STAU2: variants seen among roughly 807,000 people sequenced by gnomAD.
STAU2 encodes the protein staufen double-stranded RNA binding protein 2.
STAU2 carries 20 observed loss-of-function variants against 65.9 expected under a neutral mutation model. The ratio of observed to expected loss-of-function variants is 0.30; its 90% CI spans 0.21 to 0.44. STAU2 has a LOEUF of 0.44. STAU2 is among the 20% of genes least tolerant of loss of function. The pLI is 1.00. For missense variants in STAU2, 558 were observed against 683.9 expected, an observed-to-expected ratio of 0.82 and a Z score of 2.05; for synonymous variants, 232 against 233.9, an observed-to-expected ratio of 0.99 and a Z score of 0.07.
intron 6 of STAU2, among the ~76,000 whole-genome samples, chr8:73,642,700 G>A (rs546095947): frequency 1.8e-4 from 27 of 152,228 alleles, no homozygotes; most frequent in African/African-American, 6.5e-4. Context: ...AAACTAGACG[G>A]CATAGAGAAA....
chr8:73,477,081 GAAT>G (rs1181643135), intron 13 of STAU2, among the ~76,000 whole-genome samples: 1 of 152,200 alleles, frequency 6.6e-6, no homozygotes, highest in African/African-American at 2.4e-5. Flanking sequence ...AGAACTGGAA[GAAT>G]TAACCGGGTA....
At chr8:73,451,230 C>T (rs1818781679) in intron 13 of STAU2, among the ~76,000 whole-genome samples, 1 of 152,174 alleles carries the variant, frequency 6.6e-6, no homozygotes, top group South Asian at 2.1e-4. Context: ...CTTGAACCTA[C>T]AGCCGTCAGC....
At chr8:73,638,298 T>C (rs1333573924) in intron 6 of STAU2, among the ~76,000 whole-genome samples, 1 of 152,028 alleles carries the variant, frequency 6.6e-6, no homozygotes, top group East Asian at 1.9e-4. Flanking sequence ...GTTTAAATTT[T>C]CCTTGATCCA....
intron 9 of STAU2, among the ~76,000 whole-genome samples, chr8:73,605,307 CTTTTTTT>C (rs760108756): frequency 2.4e-5 from 3 of 124,030 alleles, no homozygotes; most frequent in Admixed American, 8.3e-5. Context: ...GGCTTTTTTC[CTTTTTTT>C]TTTTTTTTTT....
chr8:73,471,121 C>T (rs1035847691), intron 13 of STAU2, among the ~76,000 whole-genome samples: 1 of 151,664 alleles, frequency 6.6e-6, no homozygotes, highest in Non-Finnish European at 1.5e-5. Flanking sequence ...CTCTTTCTTT[C>T]CCCCAATAAC....
intron 12 of STAU2, among the ~76,000 whole-genome samples, chr8:73,577,716 C>CTT (rs1435723866): frequency 6.6e-6 from 1 of 152,102 alleles, no homozygotes; most frequent in Non-Finnish European, 1.5e-5. Context: ...ATGTGACAGT[C>CTT]TGTTTCCCCA....
chr8:73,681,919 G>A (rs1196595396), intron 5 of STAU2, among the ~76,000 whole-genome samples: 1 of 152,050 alleles, frequency 6.6e-6, no homozygotes, highest in Non-Finnish European at 1.5e-5. Context: ...AGTCCAACAG[G>A]AAAATATCAC....
chr8:73,734,524 G>A (rs891940927), intron 3 of STAU2, among the ~76,000 whole-genome samples: 28 of 152,260 alleles, frequency 1.8e-4, no homozygotes, highest in African/African-American at 5.3e-4. Context: ...GGCCGGGCAC[G>A]GTGGCTCACG....
chr8:73,724,425 C>G (rs1471992753), intron 3 of STAU2, among the ~76,000 whole-genome samples: 2 of 152,094 alleles, frequency 1.3e-5, no homozygotes, highest in African/African-American at 2.4e-5. Flanking sequence ...TATGATTCAA[C>G]TTTACCATAG....
intron 13 of STAU2, among the ~76,000 whole-genome samples, chr8:73,430,249 T>C (rs150790681): frequency 7.2e-4 from 109 of 152,294 alleles, no homozygotes; most frequent in African/African-American, 2.6e-3. Context: ...GGCACTGGGA[T>C]TGCAAAGGTG....
chr8:73,676,897 C>T lies in STAU2; in HGVS notation c.275-3655G>A, dbSNP rs757324625. On this transcript the variant is annotated intron_variant, in intron 5 of 14. Coordinates refer to ENST00000524300, the MANE Select transcript of STAU2 (RefSeq NM_001164380.2). The stretch of plus-strand genomic sequence containing the variant: ...AGGTGTGAGCTACCGTACCTGGTCT[C>T]ATTGAAAAGAATTTCTATTCATCAA... Among the ~76,000 whole-genome samples the T allele has an allele frequency of 6.6e-5, 10 of 152,138 alleles. 1 individual carries two copies. The highest frequency in any genetic ancestry group is 1.5e-4 in the Non-Finnish European group (10 of 68,022).
intron 4 of STAU2, among the ~76,000 whole-genome samples, chr8:73,702,477 G>T (rs138797075): frequency 6.6e-6 from 1 of 151,926 alleles, no homozygotes; most frequent in African/African-American, 2.4e-5. Context: ...TACCAAATAC[G>T]TTGTATGCAT....
chr8:73,500,672 AAT>A (rs1821694471), intron 13 of STAU2, among the ~76,000 whole-genome samples: 1 of 151,926 alleles, frequency 6.6e-6, no homozygotes, highest in East Asian at 1.9e-4. Flanking sequence ...TGGCAATAAG[AAT>A]ATGACCGTGA....
chr8:73,531,713 T>C (rs1805832363), intron 13 of STAU2, among the ~76,000 whole-genome samples: 2 of 152,180 alleles, frequency 1.3e-5, no homozygotes, highest in Admixed American at 1.3e-4. Context: ...ATTCAAAGCA[T>C]TTGCAGGAAC....
intron 13 of STAU2, among the ~76,000 whole-genome samples, chr8:73,479,879 C>CA (rs1186324372): frequency 4.0e-5 from 6 of 151,346 alleles, no homozygotes; most frequent in African/African-American, 1.5e-4. Flanking sequence ...TCAGGAAAAA[C>CA]AAAAAAAAGC....
intron 4 of STAU2, among the ~76,000 whole-genome samples, chr8:73,698,724 C>T (rs759558459): frequency 1.4e-4 from 22 of 151,916 alleles, no homozygotes; most frequent in Admixed American, 3.9e-4. Flanking sequence ...TTCAACACCC[C>T]GCTTTCAGCA....
At chr8:73,734,789 A>G (rs1013271011) in intron 3 of STAU2, among the ~76,000 whole-genome samples, 3 of 151,986 alleles carry the variant, frequency 2.0e-5, no homozygotes, top group African/African-American at 4.8e-5. Flanking sequence ...GTGAGACTCC[A>G]TCTCAAAAAA....
At chr8:73,678,249 C>T (rs1005665294) in intron 5 of STAU2, among the ~76,000 whole-genome samples, 3 of 152,160 alleles carry the variant, frequency 2.0e-5, no homozygotes, top group South Asian at 2.1e-4. Flanking sequence ...CTCCCAGCTA[C>T]GTATAAAACT....
intron 6 of STAU2, among the ~76,000 whole-genome samples, chr8:73,642,533 A>T (rs1815066495): frequency 6.6e-6 from 1 of 152,198 alleles, no homozygotes; most frequent in South Asian, 2.1e-4. Flanking sequence ...AAATAAAAAA[A>T]AAAAACTTTC....
Sources: allele counts gnomAD v4.1 joint callset (sites outside exome capture counted in the v4.1 genomes callset), GRCh38; gene constraint gnomAD v4.1.1; transcripts MANE v1.5; gene names NCBI Gene and HGNC (gene_info 2026-07-23, HGNC 2026-07-21).